HOGA1: variants seen among roughly 807,000 people sequenced by gnomAD.
The protein encoded by HOGA1 is 4-hydroxy-2-oxoglutarate aldolase 1.
HOGA1 carries 30 observed loss-of-function variants against 34.3 expected under a neutral mutation model. That is an observed-to-expected ratio of 0.87 (90% CI 0.65 to 1.19). HOGA1 has a LOEUF of 1.19. Among genes scored for constraint, HOGA1 ranks in the 50% most tolerant of loss-of-function variants. HOGA1 has a pLI of 0.00. For synonymous variants in HOGA1, 161 were observed against 174.0 expected (o/e 0.93, Z 0.59); for missense variants, 417 against 436.5 (o/e 0.96, Z 0.40).
At chr10:97,601,747 C>A in intron 5 of HOGA1, 110 bp from the exon 6 acceptor site, 1 of 1,314,252 alleles carries the variant, frequency 7.6e-7, no homozygotes, top group Non-Finnish European at 1.1e-6. Context: ...AGCCAAGTGA[C>A]ATAGAAATCT....
chr10:97,611,574 G>GC lies in HOGA1; in HGVS notation c.903dup (p.Cys302LeufsTer12). ...ATGGACTGGTTTGGCTACTATGGAG[G>GC]CCCCTGCCGCGCCCCCTTGCAGGAG... is the stretch of plus-strand genomic sequence containing the variant. On this transcript the variant is annotated frameshift_variant, in exon 7 of 7. Coordinates refer to ENST00000370646, the MANE Select transcript of HOGA1 (RefSeq NM_138413.4). LOFTEE classifies it high-confidence loss of function. The GC allele has an allele frequency of 6.2e-7, 1 of 1,614,196 alleles. No homozygotes were observed. Among genetic ancestry groups the GC allele is most frequent in the South Asian group, 1.1e-5 (1 of 91,088 alleles).
At chr10:97,606,226 G>A (rs541043215) in intron 6 of HOGA1, among the ~76,000 whole-genome samples, 3 of 151,236 alleles carry the variant, frequency 2.0e-5, no homozygotes, top group Admixed American at 6.6e-5. Context: ...GCTTGAACTC[G>A]GAGGGCAGAG....
chr10:97,610,240 G>A lies in HOGA1; in HGVS notation c.835-1270G>A, dbSNP rs546138356. ...CCCAGGACTTTGGGAGGCCAAGGTG[G>A]GCAGATCACTTGAGCTCAGGAGTTT... On this transcript the variant is annotated intron_variant, in intron 6 of 6. Transcript: ENST00000370646. Among the ~76,000 whole-genome samples the A allele has an allele frequency of 4.6e-5, 7 of 152,270 alleles. No individual in the cohort carries two copies. The East Asian group carries it at 1.2e-3, about 25-fold the overall frequency.
At chr10:97,590,300 G>T in intron 1 of HOGA1, 1 of 1,613,790 alleles carries the variant, frequency 6.2e-7, no homozygotes, top group Non-Finnish European at 8.5e-7. Flanking sequence ...CAAGGAGATT[G>T]ACACCCAGGG....
chr10:97,590,173 A>T (rs761616246), intron 1 of HOGA1: 1 of 1,614,074 alleles, frequency 6.2e-7, no homozygotes, highest in East Asian at 2.2e-5. Flanking sequence ...TGCACCGGGA[A>T]TCCTTCACCA....
chr10:97,587,313 A>C (rs1000581146), intron 1 of HOGA1, among the ~76,000 whole-genome samples: 7 of 152,304 alleles, frequency 4.6e-5, no homozygotes, highest in African/African-American at 1.7e-4. Flanking sequence ...AGGGCCAGGC[A>C]CAGTGGCTTA....
intron 1 of HOGA1, among the ~76,000 whole-genome samples, chr10:97,593,780 C>T (rs993395891): frequency 4.6e-5 from 7 of 152,052 alleles, no homozygotes; most frequent in Admixed American, 2.0e-4. Context: ...CTTGTTGGCC[C>T]GCATTTGGAA....
chr10:97,605,682 T>C (rs533156016), intron 6 of HOGA1, among the ~76,000 whole-genome samples: 2 of 152,340 alleles, frequency 1.3e-5, no homozygotes, highest in African/African-American at 4.8e-5. Context: ...ATTTCTCTGA[T>C]GGCTAATGCT....
intron 1 of HOGA1, among the ~76,000 whole-genome samples, chr10:97,585,138 G>C (rs1472921826): frequency 2.6e-5 from 4 of 152,202 alleles, no homozygotes; most frequent in African/African-American, 9.6e-5. Context: ...ACCTGCTTCA[G>C]TTTACCCAGC....
Position 97,611,539 on chromosome 10 carries a change from G to C in HOGA1, c.864G>C (p.Leu288=), listed in dbSNP as rs1444436917. The C allele has an allele frequency of 6.2e-7, 1 of 1,614,148 alleles. No individual in the cohort carries two copies. Among genetic ancestry groups the C allele is most frequent in the Non-Finnish European group, 8.5e-7 (1 of 1,180,058 alleles). The part of the protein sequence containing the change: ...AVTRRFGIPG[L]KKIMDWFGYY... ...CCCGGCGCTTTGGGATCCCAGGGCT[G>C]AAGAAAATCATGGACTGGTTTGGCT... Residue 288 remains leucine (L), a synonymous_variant, in exon 7 of 7, where the codon CTG becomes CTC. Transcript: ENST00000370646.
chr10:97,602,234 GT>G, intron 6 of HOGA1: 1 of 1,501,152 alleles, frequency 6.7e-7, no homozygotes, highest in East Asian at 2.7e-5. Context: ...GCGAATTAAA[GT>G]TCCAACTTTT....
At chr10:97,610,298 T>C (rs2041185457) in intron 6 of HOGA1, among the ~76,000 whole-genome samples, 1 of 151,772 alleles carries the variant, frequency 6.6e-6, no homozygotes, top group Non-Finnish European at 1.5e-5. Flanking sequence ...CAAGACCTCG[T>C]CTCTACAAAA....
At chr10:97,596,917 G>T (rs775340802) in intron 1 of HOGA1, among the ~76,000 whole-genome samples, 1 of 152,062 alleles carries the variant, frequency 6.6e-6, no homozygotes, top group Non-Finnish European at 1.5e-5. Context: ...GTTTCTCCGG[G>T]GCAGTTGCTT....
chr10:97,600,213 A>C, intron 5 of HOGA1, 50 bp downstream of exon 5: 2 of 1,481,586 alleles, frequency 1.3e-6, no homozygotes, highest in Non-Finnish European at 1.9e-6. Context: ...AGAGATACCC[A>C]GGTACCTGGG....
At chr10:97,590,458 A>G (rs1350912472) in intron 1 of HOGA1, 1 of 1,613,854 alleles carries the variant, frequency 6.2e-7, no homozygotes. Flanking sequence ...CCCAGCGGGA[A>G]AACACCATAG....
chr10:97,600,435 A>G (rs2041107468), intron 5 of HOGA1: 2 of 527,670 alleles, frequency 3.8e-6, no homozygotes, highest in Non-Finnish European at 6.9e-6. Context: ...CCTGAGCTCC[A>G]TGATTAGATG....
intron 1 of HOGA1, chr10:97,589,781 G>C: frequency 1.3e-6 from 1 of 749,072 alleles, no homozygotes. Context: ...ATCACCCAGC[G>C]TGCTCTTAGC....
rs770821820 is a variant in HOGA1, at chr10:97,590,159, G to A, written c.211+5245G>A. 6.8e-6 allele frequency: 11 copies of A among 1,614,056 alleles called. No individual in the cohort carries two copies. In the South Asian group the frequency reaches 7.7e-5, roughly 11 times the overall value. ...CACGAGGCACGGAGAAGTGGGCTCC[G>A]CTCTGCACCGGGAATCCTTCACCAG... is the stretch of plus-strand genomic sequence containing the variant. On this transcript the variant is annotated intron_variant, in intron 1 of 6. Transcript: ENST00000370646.
chr10:97,599,339 G>C, intron 3 of HOGA1, 123 bp downstream of exon 3: 1 of 1,177,894 alleles, frequency 8.5e-7, no homozygotes, highest in Non-Finnish European at 1.2e-6. Context: ...TGCCACCATG[G>C]ATCAGCTGCA....
Sources: gnomAD v4.1 joint callset for allele counts (sites outside exome capture counted in the v4.1 genomes callset) on GRCh38, gnomAD v4.1.1 for gene constraint, MANE v1.5 for transcripts, NCBI Gene and HGNC (gene_info 2026-07-23, HGNC 2026-07-21) for gene names.